Variants in SNPH observed in about 807,000 individuals in gnomAD.
SNPH encodes the protein syntaphilin.
SNPH carries 10 observed loss-of-function variants against 36.8 expected under a neutral mutation model. The observed-to-expected ratio is 0.27, with a 90% CI of 0.17 to 0.46. The LOEUF (loss-of-function observed/expected upper bound fraction) is 0.46, where lower values mean the gene tolerates loss of function less well. Among genes scored for constraint, SNPH ranks in the 20% least tolerant of loss-of-function variants. SNPH has a pLI of 1.00. For missense variants in SNPH, 622 were observed against 744.0 expected (o/e 0.84, Z 1.91); for synonymous variants, 281 against 312.2 (o/e 0.90, Z 1.05).
intron 5 of SNPH, among the ~76,000 whole-genome samples, chr20:1,299,105 C>T (rs1413259865): frequency 6.6e-6 from 1 of 151,998 alleles, no homozygotes; most frequent in Non-Finnish European, 1.5e-5. Flanking sequence ...GGGGCCATGA[C>T]GTGAGTACAT....
intron 2 of SNPH, among the ~76,000 whole-genome samples, chr20:1,291,109 C>T (rs1001983131): frequency 3.3e-5 from 5 of 152,222 alleles, no homozygotes; most frequent in Non-Finnish European, 4.4e-5. Flanking sequence ...AGGCTTGATG[C>T]CCTTCAGCTC....
rs148762307 is a variant in SNPH at position 1,305,711 on chromosome 20, G to A, written c.1274G>A (p.Arg425His). 1.3e-4 allele frequency: 215 copies of A among 1,609,962 alleles called. No individual in the cohort carries two copies. The East Asian group carries it at 1.9e-3, about 14-fold the overall frequency. The change falls in exon 7 of 7, where the codon CGT becomes CAT. Residue 425 changes from arginine to histidine, a missense_variant. This residue lies in a region of SNPH where 379 missense variants were observed against 427.9 expected (regional missense o/e 0.89). Coordinates refer to ENST00000381867, the MANE Select transcript of SNPH (RefSeq NM_001318234.2). ...CTAGAGGCCCCAGAGCCCATCACCC[G>A]TGGACCCACCCCACAGCGGCCTGGT... ...DELEAPEPIT[R>H]GPTPQRPGAN...
At chr20:1,270,259 C>T (rs1179827489) in intron 2 of SNPH, among the ~76,000 whole-genome samples, 2 of 152,092 alleles carry the variant, frequency 1.3e-5, no homozygotes, top group East Asian at 1.9e-4. Context: ...ATTGTGAGTC[C>T]TAGTTTCAAG....
chr20:1,275,956 C>A (rs562105856), intron 2 of SNPH, among the ~76,000 whole-genome samples: 1 of 152,316 alleles, frequency 6.6e-6, no homozygotes, highest in African/African-American at 2.4e-5. Context: ...ATGTTCAGAT[C>A]TGTCTCAAGG....
intron 5 of SNPH, among the ~76,000 whole-genome samples, chr20:1,299,881 G>A (rs1245529309): frequency 6.6e-6 from 1 of 152,228 alleles, no homozygotes; most frequent in Non-Finnish European, 1.5e-5. Context: ...CCACGTGTAC[G>A]CAGTGGGGGT....
chr20:1,266,331 T>A lies in SNPH; in HGVS notation c.-666T>A. The A allele has an allele frequency of 5.6e-6, 1 of 179,598 alleles. No homozygotes were observed. The highest frequency in any genetic ancestry group is 1.1e-5 in the Non-Finnish European group (1 of 88,400). 11.1% of individuals were successfully genotyped at this position (179,598 alleles called of 1,614,324 possible). On this transcript the variant is annotated 5_prime_UTR_variant, in exon 1 of 7. Coordinates refer to ENST00000381867, the MANE Select transcript of SNPH (RefSeq NM_001318234.2). The surrounding 1 kb of genome is among the most constrained non-coding windows in gnomAD (Gnocchi z 6.0). ...GGCGAGCACCCAGCTAGCCGCCTCCTGCAGGGGCTCGGGAGAGCAATTCGG... is the reference window on the plus strand; with the variant it reads ...GGCGAGCACCCAGCTAGCCGCCTCCAGCAGGGGCTCGGGAGAGCAATTCGG...
At chr20:1,300,204 CT>C (rs2088488216) in intron 5 of SNPH, among the ~76,000 whole-genome samples, 1 of 152,196 alleles carries the variant, frequency 6.6e-6, no homozygotes, top group Non-Finnish European at 1.5e-5. Context: ...CCAGCGGCCC[CT>C]CTAAAAGATG....
chr20:1,306,218 T>G lies in SNPH; in HGVS notation c.*164T>G. ...AACAGTCCCGTGGAAGGAGCAGGGG[T>G]TGGAGAAAGGCATCCCAAAGCTTCG... On this transcript the variant is annotated 3_prime_UTR_variant, in exon 7 of 7. Coordinates refer to ENST00000381867, the MANE Select transcript of SNPH (RefSeq NM_001318234.2). The G allele has an allele frequency of 1.7e-6, 1 of 599,206 alleles. No homozygotes were observed. Among genetic ancestry groups the G allele is most frequent in the Non-Finnish European group, 2.5e-6 (1 of 394,274 alleles). The allele number at this position is 599,206 out of a possible 1,614,324, so 37.1% of individuals were successfully genotyped here. A position where few individuals can be genotyped will look rare whatever the true frequency, so the allele number is the denominator to read the frequency against.
chr20:1,298,745 A>G (rs1262759515), intron 5 of SNPH, among the ~76,000 whole-genome samples: 1 of 151,454 alleles, frequency 6.6e-6, no homozygotes, highest in Non-Finnish European at 1.5e-5. Context: ...GCAAATAGCC[A>G]GGCTTTCCAA....
rs201764007 is a variant in SNPH at position 1,288,619 on chromosome 20, C to CTTTTTT, written c.-492-6330_-492-6325dup. On this transcript the variant is annotated intron_variant, in intron 2 of 6. Coordinates refer to ENST00000381867, the MANE Select transcript of SNPH (RefSeq NM_001318234.2). The stretch of plus-strand genomic sequence containing the variant: ...GAAGGCACATGAGGAATTTCTTTTT[C>CTTTTTT]TTTTTTTCTTTTTTTTTTTGAGATG... Among the ~76,000 whole-genome samples the CTTTTTT allele has an allele frequency of 5.3e-4, 75 of 140,762 alleles. 3 individuals carry two copies. The highest frequency in any genetic ancestry group is 7.3e-4 in the Non-Finnish European group (46 of 63,140). 92.3% of individuals were successfully genotyped at this position (140,762 alleles called of 152,430 possible).
In SNPH at chr20:1,266,686, GA is replaced by G. The variant is rs1183239343; in HGVS notation, c.-566del. On this transcript the variant is annotated 5_prime_UTR_variant, in exon 2 of 7. Coordinates refer to ENST00000381867, the MANE Select transcript of SNPH (RefSeq NM_001318234.2). The surrounding 1 kb of genome is among the most constrained non-coding windows in gnomAD (Gnocchi z 6.0). Reference sequence around the variant, plus strand: ...ATCAGGGCCAGGCGGCTGCAGCAGCGACTGCAGAGGCGCTGCGCCAAGCCGG... The same window carrying G: ...ATCAGGGCCAGGCGGCTGCAGCAGCGCTGCAGAGGCGCTGCGCCAAGCCGG... 6.8e-7 allele frequency: 1 copy of G among 1,467,978 alleles called. No individual in the cohort carries two copies. The highest frequency in any genetic ancestry group is 9.0e-7 in the Non-Finnish European group (1 of 1,113,556). The allele number at this position is 1,467,978 out of a possible 1,614,324, so 90.9% of individuals were successfully genotyped here.
intron 6 of SNPH, among the ~76,000 whole-genome samples, chr20:1,303,431 C>T (rs914435822): frequency 6.6e-6 from 1 of 152,248 alleles, no homozygotes; most frequent in African/African-American, 2.4e-5. Context: ...CAAACTCACT[C>T]TTTCTCCCAG....
intron 2 of SNPH, among the ~76,000 whole-genome samples, chr20:1,277,897 A>G (rs1334787414): frequency 1.3e-3 from 69 of 54,704 alleles, no homozygotes; most frequent in East Asian, 3.4e-3. Context: ...GTGTCTGTGT[A>G]TGTATCTGTG....
Position 1,304,851 on chromosome 20 carries a change from G to C in SNPH, c.441-27G>C. The C allele has an allele frequency of 1.2e-6, 2 of 1,601,634 alleles. No individual in the cohort carries two copies. The highest frequency in any genetic ancestry group is 1.7e-6 in the Non-Finnish European group (2 of 1,172,810). Reference sequence around the variant, plus strand: ...GACAGACCAGGCAGGCAGGCAGTGAGCGTGTGTGTGTCTCCTCGGCTCGCA... The same window carrying C: ...GACAGACCAGGCAGGCAGGCAGTGACCGTGTGTGTGTCTCCTCGGCTCGCA... On this transcript the variant is annotated intron_variant, in intron 6 of 6. Transcript: ENST00000381867. This position sits in a 1 kb window ranked among gnomAD's most constrained non-coding sequence, Gnocchi z 4.3.
intron 2 of SNPH, among the ~76,000 whole-genome samples, chr20:1,288,619 C>CTTTTTTT (rs201764007): frequency 3.6e-5 from 5 of 140,766 alleles, no homozygotes; most frequent in Non-Finnish European, 6.3e-5. Context: ...ATTTCTTTTT[C>CTTTTTTT]TTTTTTTCTT....
intron 2 of SNPH, among the ~76,000 whole-genome samples, chr20:1,277,555 CTG>C (rs147950725): frequency 3.0e-5 from 4 of 133,290 alleles, no homozygotes; most frequent in African/African-American, 5.7e-5. Context: ...GTGTGTGTAT[CTG>C]TGTGTGTGTC....
At chr20:1,299,440 A>G (rs1403244394) in intron 5 of SNPH, among the ~76,000 whole-genome samples, 9 of 152,250 alleles carry the variant, frequency 5.9e-5, no homozygotes, top group African/African-American at 2.2e-4. Flanking sequence ...CAAAACAACC[A>G]GCAGCCAGGA....
At chr20:1,278,036 G>T (rs1301266497) in intron 2 of SNPH, among the ~76,000 whole-genome samples, 3 of 124,348 alleles carry the variant, frequency 2.4e-5, no homozygotes, top group African/African-American at 9.5e-5. Flanking sequence ...GTGTGTCTGT[G>T]TATGTGTGCC....
chr20:1,297,078 T>G, intron 4 of SNPH, 67 bp from the exon 5 acceptor site: 1 of 1,536,334 alleles, frequency 6.5e-7, no homozygotes, highest in Non-Finnish European at 8.8e-7. Context: ...GGCCTGGCAG[T>G]GTTCGCCCAG....
Sources: gnomAD v4.1 joint callset for allele counts (sites outside exome capture counted in the v4.1 genomes callset) on GRCh38, gnomAD v4.1.1 for gene constraint, gnomAD v4.1.1 regional missense constraint, Gnocchi (gnomAD v3.1) non-coding constraint, MANE v1.5 for transcripts, NCBI Gene and HGNC (gene_info 2026-07-23, HGNC 2026-07-21) for gene names.